The following CLTB variants were observed in gnomAD, a reference collection of about 807,000 sequenced individuals.
CLTB encodes clathrin, light chain (Lcb).
Under a neutral mutation model 30.5 loss-of-function variants are expected in CLTB, and 10 were observed. That is an observed-to-expected ratio of 0.33 (90% confidence interval 0.20 to 0.56). The LOEUF is 0.56. Among genes scored for constraint, CLTB ranks in the 20% least tolerant of loss-of-function variants. The pLI, the probability that CLTB is intolerant of heterozygous loss-of-function variation, is 0.91. For synonymous variants in CLTB, 102 were observed against 120.3 expected (o/e 0.85, Z 1.00); for missense variants, 261 against 308.3 (o/e 0.85, Z 1.15).
In CLTB at chr5:176,404,466, T is replaced by C. The variant is rs538066881; in HGVS notation, c.234+5791A>G. On this transcript the variant is annotated intron_variant, in intron 2 of 5. Transcript: ENST00000310418. Reference sequence around the variant, plus strand: ...TACAAATGAGAAGCCAGGCTCAGAGTAGTTAAGTGACTAGCCCACAGCCAG... The same window carrying C: ...TACAAATGAGAAGCCAGGCTCAGAGCAGTTAAGTGACTAGCCCACAGCCAG... Among the ~76,000 whole-genome samples, 21 of 152,108 alleles carry C rather than the reference T, an allele frequency of 1.4e-4. No individual in the cohort carries two copies. In the East Asian group the frequency reaches 3.7e-3, roughly 27 times the overall value.
At chr5:176,406,700 G>C (rs1392619343) in intron 2 of CLTB, 2 of 1,286,532 alleles carry the variant, frequency 1.6e-6, no homozygotes, top group Non-Finnish European at 2.0e-6. Flanking sequence ...CCCGCTGGTG[G>C]TGCACGGGCT....
In CLTB at chr5:176,416,140, C is replaced by A. The variant is rs181504033; in HGVS notation, c.187+37G>T. ...CCCCGGCCGGGGTCCCCCGGGTGCG[C>A]GCCCTGAGCCCCTCTCCAGGCCCCG... On this transcript the variant is annotated intron_variant, in intron 1 of 5. Coordinates refer to ENST00000310418, the MANE Select transcript of CLTB (RefSeq NM_007097.5). The A allele has an allele frequency of 1.5e-5, 22 of 1,477,894 alleles. No individual in the cohort carries two copies. In the East Asian group the frequency reaches 2.2e-4, roughly 15 times the overall value. The allele number at this position is 1,477,894 out of a possible 1,614,324, so 91.5% of individuals were successfully genotyped here.
intron 1 of CLTB, among the ~76,000 whole-genome samples, chr5:176,415,091 C>G (rs1757629101): frequency 6.6e-6 from 1 of 152,202 alleles, no homozygotes; most frequent in Non-Finnish European, 1.5e-5. Flanking sequence ...TACTTTTTTA[C>G]TAAATATTTT....
At chr5:176,404,246 AAGACT>A (rs965431935) in intron 2 of CLTB, among the ~76,000 whole-genome samples, 5 of 152,294 alleles carry the variant, frequency 3.3e-5, no homozygotes, top group Non-Finnish European at 5.9e-5. Flanking sequence ...CTCTCAAGAC[AAGACT>A]AGAGACTGGG....
In CLTB at chr5:176,416,095, C is replaced by G. The variant is rs1757676130; in HGVS notation, c.187+82G>C. 2.0e-5 allele frequency: 27 copies of G among 1,329,334 alleles called. No homozygotes were observed. In the Admixed American group the frequency reaches 9.0e-4, roughly 44 times the overall value. The allele number at this position is 1,329,334 out of a possible 1,614,324, so 82.3% of individuals were successfully genotyped here. The stretch of plus-strand genomic sequence containing the variant: ...TGCCCCGGGTGGCCTAGAGCAGGCT[C>G]TCTTCCCTGTGCCCCTGGGCCCCGG... On this transcript the variant is annotated intron_variant, in intron 1 of 5. Transcript: ENST00000310418.
chr5:176,397,918 C>A lies in CLTB; in HGVS notation c.352+12G>T. The A allele has an allele frequency of 6.2e-7, 1 of 1,611,580 alleles. No homozygotes were observed. The highest frequency in any genetic ancestry group is 1.1e-5 in the South Asian group (1 of 91,046). On this transcript the variant is annotated intron_variant, in intron 3 of 5. Transcript: ENST00000310418. ...GCCCACCCAGCCAACCCCGCCTCAG[C>A]CCCGCCCTCACCCAGCTCTTGCAGC...
At chr5:176,397,866 G>T (rs1187256491) in intron 3 of CLTB, 64 bp downstream of exon 3, 27 of 1,496,438 alleles carry the variant, frequency 1.8e-5, no homozygotes, top group Non-Finnish European at 2.3e-5. Flanking sequence ...GCACTCCGAG[G>T]ACTCCCCACA....
At position 176,416,392 on chromosome 5, in the gene CLTB, C is replaced by T. The variant is rs758453240; in HGVS notation, c.-29G>A. On this transcript the variant is annotated 5_prime_UTR_variant, in exon 1 of 6. Coordinates refer to ENST00000310418, the MANE Select transcript of CLTB (RefSeq NM_007097.5). ...CCCCGCGCCTCCGCCGGAGCCTCCG[C>T]TGCGCTCGGCTCTGCCCGCGCCTGC... 2.5e-6 allele frequency: 4 copies of T among 1,574,130 alleles called. No individual in the cohort carries two copies. Among genetic ancestry groups the T allele is most frequent in the Non-Finnish European group, 3.4e-6 (4 of 1,163,420 alleles).
intron 1 of CLTB, 38 bp downstream of exon 1, chr5:176,416,139 G>A (rs79333895): frequency 0.021 from 30,913 of 1,473,604 alleles, 410 homozygotes; most frequent in Non-Finnish European, 0.024. Flanking sequence ...CCCCGGGTGC[G>A]CGCCCTGAGC....
intron 2 of CLTB, among the ~76,000 whole-genome samples, chr5:176,408,232 T>C (rs1283447377): frequency 6.6e-6 from 1 of 151,730 alleles, no homozygotes; most frequent in Admixed American, 6.6e-5. Context: ...TTCCTCTTTT[T>C]TTTTTTTTTA....
intron 2 of CLTB, among the ~76,000 whole-genome samples, chr5:176,398,534 A>G (rs1756662948): frequency 6.6e-6 from 1 of 151,958 alleles, no homozygotes; most frequent in Admixed American, 6.6e-5. Context: ...AACATGGAGA[A>G]ATCCCGACTC....
Position 176,416,520 on chromosome 5 carries a change from G to T in CLTB, c.-157C>A, listed in dbSNP as rs1757702177. On this transcript the variant is annotated 5_prime_UTR_variant, in exon 1 of 6. Coordinates refer to ENST00000310418, the MANE Select transcript of CLTB (RefSeq NM_007097.5). ...CGGACCGCACTTCCTCTCCGCCACC[G>T]GGCCCGGCTGGCTGTCACTGCGGTG... 3 of 482,910 alleles carry T rather than the reference G, an allele frequency of 6.2e-6. No homozygotes were observed. The highest frequency in any genetic ancestry group is 9.3e-6 in the Non-Finnish European group (3 of 323,774). 29.9% of individuals were successfully genotyped at this position (482,910 alleles called of 1,614,324 possible).
intron 2 of CLTB, chr5:176,406,660 G>C (rs967018000): frequency 1.5e-5 from 19 of 1,289,340 alleles, no homozygotes; most frequent in Non-Finnish European, 1.9e-5. Flanking sequence ...TCGTCCTTAG[G>C]CTGTATTGGC....
intron 2 of CLTB, chr5:176,405,970 C>T (rs1757098282): frequency 5.3e-6 from 1 of 189,580 alleles, no homozygotes. Flanking sequence ...CAGGGCCCCA[C>T]ACCTGCTGGC....
chr5:176,401,114 C>T (rs1756798177), intron 2 of CLTB, among the ~76,000 whole-genome samples: 1 of 152,200 alleles, frequency 6.6e-6, no homozygotes, highest in African/African-American at 2.4e-5. Context: ...CTTCTGGGGC[C>T]CTTCTCCGGA....
chr5:176,402,905 G>T (rs1756896447), intron 2 of CLTB, among the ~76,000 whole-genome samples: 1 of 152,186 alleles, frequency 6.6e-6, no homozygotes, highest in Non-Finnish European at 1.5e-5. Flanking sequence ...GCACGTGTAA[G>T]AATCACGTGG....
At chr5:176,406,174 G>A (rs569593173) in intron 2 of CLTB, 1 of 989,550 alleles carries the variant, frequency 1.0e-6, no homozygotes, top group East Asian at 1.1e-4. Flanking sequence ...TCTCAGTGGG[G>A]AGATCAGTCA....
At chr5:176,396,367 T>C in intron 5 of CLTB, 112 bp downstream of exon 5, 1 of 993,638 alleles carries the variant, frequency 1.0e-6, no homozygotes. Flanking sequence ...GTTCTGACCA[T>C]TGCTCCGAGC....
chr5:176,413,326 C>A lies in CLTB; in HGVS notation c.187+2851G>T, dbSNP rs574351788. 6.2e-4 allele frequency among the ~76,000 whole-genome samples: 95 copies of A among 152,338 alleles called. 1 individual carries two copies. Among genetic ancestry groups the A allele is most frequent in the Non-Finnish European group, 1.2e-3 (84 of 68,034 alleles). ...ATTCCTGTGAGCTTACGAGGCCCAGCGGGGGAAATGGGCTTGCCCAGAACT... is the reference window on the plus strand; with the variant it reads ...ATTCCTGTGAGCTTACGAGGCCCAGAGGGGGAAATGGGCTTGCCCAGAACT... On this transcript the variant is annotated intron_variant, in intron 1 of 5. Transcript: ENST00000310418.
Sources: allele counts gnomAD v4.1 joint callset (sites outside exome capture counted in the v4.1 genomes callset), GRCh38; gene constraint gnomAD v4.1.1; transcripts MANE v1.5; gene names NCBI Gene and HGNC (gene_info 2026-07-23, HGNC 2026-07-21).